The following ACOXL variants were observed in gnomAD, a reference collection of about 807,000 sequenced individuals.
ACOXL encodes acyl-coenzyme A oxidase-like protein.
Under a neutral mutation model 71.9 loss-of-function variants are expected in ACOXL, and 70 were observed. The observed-to-expected ratio is 0.97, with a 90% CI of 0.80 to 1.19. The LOEUF (loss-of-function observed/expected upper bound fraction) is 1.19. Ranked by LOEUF, ACOXL falls within the 50% of genes most tolerant of loss-of-function variation. The pLI is 0.00. For synonymous variants in ACOXL, 253 were observed against 281.6 expected (o/e 0.90, Z 1.02); for missense variants, 703 against 736.3 (o/e 0.95, Z 0.52).
intron 16 of ACOXL, among the ~76,000 whole-genome samples, chr2:111,085,891 C>T (rs1310584884): frequency 3.3e-5 from 5 of 152,060 alleles, no homozygotes; most frequent in Non-Finnish European, 7.4e-5. Flanking sequence ...ATGTTACCAC[C>T]GACTCCACAG....
In ACOXL at chr2:110,982,606, C is replaced by T. The variant is rs1045785658; in HGVS notation, c.1060-4502C>T. Reference sequence around the variant, plus strand: ...CCATCCCCTTAGTCTTTTCTTCATTCTCATACCCATGGGTGACCCCTGAAA... The same window carrying T: ...CCATCCCCTTAGTCTTTTCTTCATTTTCATACCCATGGGTGACCCCTGAAA... On this transcript the variant is annotated intron_variant, in intron 12 of 17. Transcript: ENST00000439055. 2.6e-5 allele frequency among the ~76,000 whole-genome samples: 4 copies of T among 152,176 alleles called. No homozygotes were observed. The East Asian group carries it at 7.7e-4, about 29-fold the overall frequency.
In ACOXL at chr2:110,967,960, A is replaced by G. The variant is rs2062004771; in HGVS notation, c.1060-19148A>G. 5.4e-6 allele frequency: 5 copies of G among 933,780 alleles called. No individual in the cohort carries two copies. The South Asian group carries it at 6.6e-5, about 12-fold the overall frequency. The allele number at this position is 933,780 out of a possible 1,614,324, so 57.8% of individuals were successfully genotyped here. A position where few individuals can be genotyped will look rare whatever the true frequency, so the allele number is the denominator to read the frequency against. Reference sequence around the variant, plus strand: ...ATACTTGGAGATACAGGATAAAAATAAATACAACACACCCAAATATAGGAT... The same window carrying G: ...ATACTTGGAGATACAGGATAAAAATGAATACAACACACCCAAATATAGGAT... On this transcript the variant is annotated intron_variant, in intron 12 of 17. Transcript: ENST00000439055.
chr2:111,007,201 G>T (rs2149650398), intron 14 of ACOXL, among the ~76,000 whole-genome samples: 1 of 152,212 alleles, frequency 6.6e-6, no homozygotes, highest in African/African-American at 2.4e-5. Flanking sequence ...GTTTCTTCAA[G>T]GCAATACAGT....
chr2:110,924,230 TCTTGA>T (rs1468296472), intron 11 of ACOXL, among the ~76,000 whole-genome samples: 2 of 152,072 alleles, frequency 1.3e-5, no homozygotes, highest in Non-Finnish European at 2.9e-5. Context: ...TAGTGGAGGG[TCTTGA>T]CTTGATGTTG....
At chr2:110,905,033 A>C (rs769387258) in intron 10 of ACOXL, among the ~76,000 whole-genome samples, 16 of 152,042 alleles carry the variant, frequency 1.1e-4, no homozygotes, top group African/African-American at 1.9e-4. Flanking sequence ...AGGGTCAGTA[A>C]AGTCTCAGAT....
At chr2:110,923,340 G>T (rs1283777317) in intron 11 of ACOXL, among the ~76,000 whole-genome samples, 1 of 151,844 alleles carries the variant, frequency 6.6e-6, no homozygotes, top group African/African-American at 2.4e-5. Flanking sequence ...TCTACTAAGG[G>T]TGTCACATCT....
intron 14 of ACOXL, among the ~76,000 whole-genome samples, chr2:111,009,202 T>G (rs929827053): frequency 1.4e-4 from 21 of 152,212 alleles, no homozygotes; most frequent in Non-Finnish European, 2.9e-4. Context: ...GCCTCAATAT[T>G]GTTTTAGGGA....
intron 17 of ACOXL, 47 bp from the exon 18 acceptor site, chr2:111,117,569 G>GTT (rs1558985439): frequency 1.9e-6 from 3 of 1,543,314 alleles, no homozygotes; most frequent in Non-Finnish European, 2.6e-6. Flanking sequence ...CTAGATGGCT[G>GTT]TAAGTGTGCC....
chr2:110,918,892 G>T (rs1441008243), intron 11 of ACOXL, among the ~76,000 whole-genome samples: 2 of 152,240 alleles, frequency 1.3e-5, no homozygotes, highest in African/African-American at 4.8e-5. Context: ...TCATTAAAAT[G>T]TCAGAAAACA....
intron 11 of ACOXL, among the ~76,000 whole-genome samples, chr2:110,930,126 C>T (rs2060426109): frequency 6.6e-6 from 1 of 152,244 alleles, no homozygotes; most frequent in Non-Finnish European, 1.5e-5. Flanking sequence ...AAGCTGCACT[C>T]ACTGCCAGCT....
intron 12 of ACOXL, among the ~76,000 whole-genome samples, chr2:110,979,026 G>A (rs1430392301): frequency 4.6e-5 from 7 of 152,126 alleles, no homozygotes; most frequent in Non-Finnish European, 7.3e-5. Context: ...AAATGAGGGC[G>A]ATTCCGGGGG....
chr2:111,087,006 A>G (rs1363574249), intron 16 of ACOXL, among the ~76,000 whole-genome samples: 1 of 152,204 alleles, frequency 6.6e-6, no homozygotes, highest in Non-Finnish European at 1.5e-5. Flanking sequence ...CGATACACCA[A>G]CAAAATCCAA....
At chr2:111,018,714 G>GGT (rs1553458311) in intron 14 of ACOXL, among the ~76,000 whole-genome samples, 3 of 135,006 alleles carry the variant, frequency 2.2e-5, no homozygotes, top group Admixed American at 6.9e-5. Flanking sequence ...AGGCTGGAGG[G>GGT]GGTGTTGGTG....
At chr2:110,825,547 A>G (rs1191539823) in intron 9 of ACOXL, among the ~76,000 whole-genome samples, 3 of 152,018 alleles carry the variant, frequency 2.0e-5, no homozygotes, top group Admixed American at 6.6e-5. Flanking sequence ...TTCACTGAAC[A>G]CTGTTTCTTG....
intron 9 of ACOXL, among the ~76,000 whole-genome samples, chr2:110,830,126 C>G (rs1417935868): frequency 6.6e-6 from 1 of 152,104 alleles, no homozygotes; most frequent in Non-Finnish European, 1.5e-5. Context: ...CATATTTTTT[C>G]TTTAGTAGAT....
chr2:110,775,886 G>A (rs1038816762), intron 2 of ACOXL, among the ~76,000 whole-genome samples: 1 of 152,110 alleles, frequency 6.6e-6, no homozygotes, highest in Middle Eastern at 3.2e-3. Context: ...ATTACAATGC[G>A]ATCCAGAAAT....
At chr2:110,839,976 G>GTTGTTGTTGTTGTTTGTTGTTGTTGTTGT (rs1690943485) in intron 9 of ACOXL, among the ~76,000 whole-genome samples, 1 of 151,972 alleles carries the variant, frequency 6.6e-6, no homozygotes, top group Admixed American at 6.6e-5. Flanking sequence ...GCTTAGGTTT[G>GTTGTTGTTGTTGTTTGTTGTTGTTGTTGT]TTGTTGTTGT....
At chr2:110,792,633 TA>T (rs992856288) in intron 3 of ACOXL, among the ~76,000 whole-genome samples, 1 of 151,604 alleles carries the variant, frequency 6.6e-6, no homozygotes, top group Non-Finnish European at 1.5e-5. Flanking sequence ...CTACTAAAAA[TA>T]AAAAAAACTT....
chr2:110,747,094 A>C (rs1678326642), intron 1 of ACOXL, among the ~76,000 whole-genome samples: 1 of 152,118 alleles, frequency 6.6e-6, no homozygotes, highest in Non-Finnish European at 1.5e-5. Context: ...CATAGTACTC[A>C]ACCTATGAGG....
Sources: allele counts gnomAD v4.1 joint callset (sites outside exome capture counted in the v4.1 genomes callset), GRCh38; gene constraint gnomAD v4.1.1; transcripts MANE v1.5; gene names NCBI Gene and HGNC (gene_info 2026-07-23, HGNC 2026-07-21).